Variants in MCTP1 observed in about 807,000 individuals in gnomAD.
MCTP1 encodes multiple C2 and transmembrane domain containing 1.
MCTP1 carries 69 observed loss-of-function variants against 120.6 expected under a neutral mutation model. The ratio of observed to expected loss-of-function variants is 0.57; its 90% CI spans 0.47 to 0.70. The LOEUF is 0.70. MCTP1 is among the 30% of genes least tolerant of loss of function. MCTP1 has a pLI of 0.00. For missense variants in MCTP1, 1,203 were observed against 1,248.8 expected, an observed-to-expected ratio of 0.96 and a Z score of 0.55; for synonymous variants, 529 against 493.1, an observed-to-expected ratio of 1.07 and a Z score of -0.96.
At chr5:94,942,556 A>G (rs1267789665) in intron 3 of MCTP1, 129 bp from the exon 4 acceptor site, 1 of 571,952 alleles carries the variant, frequency 1.7e-6, no homozygotes, top group African/African-American at 1.9e-5. Flanking sequence ...ATTTTAAAAT[A>G]ATTGTTTTTG....
At position 95,283,991 on chromosome 5, in the gene MCTP1, G is replaced by C; in HGVS notation, c.585C>G (p.His195Gln). The C allele has an allele frequency of 6.8e-7, 1 of 1,464,950 alleles. No individual in the cohort carries two copies. The highest frequency in any genetic ancestry group is 9.0e-7 in the Non-Finnish European group (1 of 1,112,354). 90.7% of individuals were successfully genotyped at this position (1,464,950 alleles called of 1,614,324 possible). ...RRQGPGAHLC[H>Q]QKSSSLPGTA... The stretch of plus-strand genomic sequence containing the variant: ...TGCCCGGCAGAGAGGAGCTCTTCTG[G>C]TGGCACAAGTGCGCCCCGGGGCCCT... The change falls in exon 1 of 23, where the codon CAC (histidine) becomes CAG (glutamine). Residue 195 changes from histidine (H) to glutamine (Q), a missense_variant. Coordinates refer to ENST00000515393, the MANE Select transcript of MCTP1 (RefSeq NM_024717.7).
At chr5:94,945,153 C>T (rs1442540156) in intron 3 of MCTP1, among the ~76,000 whole-genome samples, 1 of 152,056 alleles carries the variant, frequency 6.6e-6, no homozygotes, top group African/African-American at 2.4e-5. Flanking sequence ...AAGAGAAGCA[C>T]TGAGAGTTAA....
At chr5:95,143,309 G>A (rs73777310) in intron 1 of MCTP1, among the ~76,000 whole-genome samples, 131 of 152,232 alleles carry the variant, frequency 8.6e-4, no homozygotes, top group African/African-American at 2.6e-3. Flanking sequence ...AACCCAATTT[G>A]CTACAAACAA....
chr5:95,056,864 TAC>T (rs139734500), intron 1 of MCTP1, among the ~76,000 whole-genome samples: 2 of 151,252 alleles, frequency 1.3e-5, no homozygotes, highest in Admixed American at 6.6e-5. Flanking sequence ...TTCATCCCAA[TAC>T]ACACACACAC....
intron 17 of MCTP1, among the ~76,000 whole-genome samples, chr5:94,812,954 GTA>G (rs1783755880): frequency 1.3e-5 from 2 of 151,746 alleles, no homozygotes; most frequent in Admixed American, 1.3e-4. Flanking sequence ...GTGCGTGCGT[GTA>G]TATATAATGT....
intron 3 of MCTP1, among the ~76,000 whole-genome samples, chr5:94,948,426 GTCATGCTTTTTTGTTTGTTTTGTT>G (rs960392462): frequency 1.3e-5 from 2 of 152,092 alleles, no homozygotes; most frequent in Non-Finnish European, 2.9e-5. Context: ...AGCAAGTATA[GTCATGCTTTTTTGTTTGTTTTGTT>G]TCATTGCTGA....
chr5:95,170,073 C>T (rs1179680716), intron 1 of MCTP1, among the ~76,000 whole-genome samples: 12 of 152,196 alleles, frequency 7.9e-5, no homozygotes, highest in Non-Finnish European at 1.0e-4. Flanking sequence ...CCTCTACACA[C>T]TGCTTTGAAT....
At chr5:95,161,699 T>C (rs1035485554) in intron 1 of MCTP1, among the ~76,000 whole-genome samples, 1 of 152,086 alleles carries the variant, frequency 6.6e-6, no homozygotes, top group Non-Finnish European at 1.5e-5. Flanking sequence ...AAAAATAAAC[T>C]ATTATTATTT....
chr5:94,790,296 G>A (rs1372169501), intron 18 of MCTP1, among the ~76,000 whole-genome samples: 1 of 152,174 alleles, frequency 6.6e-6, no homozygotes, highest in Non-Finnish European at 1.5e-5. Flanking sequence ...ATGCCAATGG[G>A]AGGCCCAGGG....
chr5:95,028,646 A>G (rs1027646989), intron 1 of MCTP1, among the ~76,000 whole-genome samples: 2 of 152,208 alleles, frequency 1.3e-5, no homozygotes, highest in African/African-American at 4.8e-5. Flanking sequence ...GCCAAAGCAA[A>G]TAAAATTCTC....
rs938985006 is a variant in MCTP1 at position 95,201,659 on chromosome 5, C to G, written c.720+82197G>C. ...AGCTGGGATTATAGGTGCCCGCCAT[C>G]ATGCCTGGCTAGTTTTTGTATTTTT... On this transcript the variant is annotated intron_variant, in intron 1 of 22. Coordinates refer to ENST00000515393, the MANE Select transcript of MCTP1 (RefSeq NM_024717.7). 2.0e-5 allele frequency among the ~76,000 whole-genome samples: 3 copies of G among 151,694 alleles called. No individual in the cohort carries two copies. The South Asian group carries it at 6.3e-4, about 32-fold the overall frequency.
intron 17 of MCTP1, among the ~76,000 whole-genome samples, chr5:94,813,551 C>T (rs1479227155): frequency 6.6e-6 from 1 of 152,094 alleles, no homozygotes; most frequent in African/African-American, 2.4e-5. Flanking sequence ...TAAATAGAAA[C>T]AATCCAAATG....
intron 19 of MCTP1, among the ~76,000 whole-genome samples, chr5:94,717,411 TATC>T (rs1396482144): frequency 6.6e-6 from 1 of 152,030 alleles, no homozygotes; most frequent in African/African-American, 2.4e-5. Context: ...CCACAGCCAA[TATC>T]ATACTGAATG....
At chr5:95,028,354 T>A (rs1408139418) in intron 1 of MCTP1, among the ~76,000 whole-genome samples, 1 of 152,178 alleles carries the variant, frequency 6.6e-6, no homozygotes, top group Non-Finnish European at 1.5e-5. Context: ...ACTTTGTTTT[T>A]GAACTGAACT....
intron 1 of MCTP1, among the ~76,000 whole-genome samples, chr5:95,178,139 C>CA (rs747539244): frequency 4.3e-4 from 65 of 152,272 alleles, no homozygotes; most frequent in Non-Finnish European, 8.1e-4. Flanking sequence ...CCCCTGTGAA[C>CA]ATACCTCCAT....
At position 94,714,834 on chromosome 5, in the gene MCTP1, C is replaced by T; in HGVS notation, c.2663G>A (p.Cys888Tyr). 1 of 1,613,178 alleles carries T rather than the reference C, an allele frequency of 6.2e-7. No homozygotes were observed. The highest frequency in any genetic ancestry group is 8.5e-7 in the Non-Finnish European group (1 of 1,179,232). ...ATCTAGGATGTTCTGGACACTGACA[C>T]ATACCTCCTGGATGGCATAGATTTT... Reference protein sequence around the residue: ...INKIYAIQEVCVSVQNILDEV... With the variant: ...INKIYAIQEVYVSVQNILDEV... Residue 888 changes from cysteine (C) to tyrosine (Y), a missense_variant, in exon 20 of 23, where the codon TGT becomes TAT. By Grantham distance (194) the Cys-to-Tyr change is radical. This residue lies in a region of MCTP1 where 740 missense variants were observed against 871.1 expected (regional missense o/e 0.85). Coordinates refer to ENST00000515393, the MANE Select transcript of MCTP1 (RefSeq NM_024717.7).
chr5:95,228,470 A>AAGAGAGAGAG (rs56915525), intron 1 of MCTP1, among the ~76,000 whole-genome samples: 7 of 147,424 alleles, frequency 4.7e-5, no homozygotes, highest in South Asian at 2.2e-4. Context: ...ATGCAGCCAA[A>AAGAGAGAGAG]AGAGAGAGAG....
intron 1 of MCTP1, among the ~76,000 whole-genome samples, chr5:95,183,420 AATTT>A (rs1217270128): frequency 6.6e-6 from 1 of 151,662 alleles, no homozygotes; most frequent in East Asian, 1.9e-4. Flanking sequence ...TAGAATTAAA[AATTT>A]ATTAATGAGA....
intron 1 of MCTP1, among the ~76,000 whole-genome samples, chr5:95,182,063 G>C (rs1748660076): frequency 6.6e-6 from 1 of 152,166 alleles, no homozygotes; most frequent in Non-Finnish European, 1.5e-5. Context: ...AATGTAAATA[G>C]AGTTACAAAA....
Sources: allele counts gnomAD v4.1 joint callset (sites outside exome capture counted in the v4.1 genomes callset), GRCh38; gene constraint gnomAD v4.1.1; regional missense constraint gnomAD v4.1.1; transcripts MANE v1.5; gene names NCBI Gene and HGNC (gene_info 2026-07-23, HGNC 2026-07-21).